Variants in LRRC7 observed in about 807,000 individuals in gnomAD.
LRRC7 encodes the protein leucine rich repeat containing 7.
A neutral mutation model predicts 175.7 loss-of-function variants in LRRC7; 23 were observed. The observed-to-expected ratio is 0.13, with a 90% confidence interval of 0.09 to 0.19. The LOEUF (loss-of-function observed/expected upper bound fraction) is 0.19. Ranked by LOEUF, LRRC7 falls within the 10% of genes least tolerant of loss-of-function variation. The pLI, the probability that LRRC7 is intolerant of heterozygous loss-of-function variation, is 1.00. For missense variants in LRRC7, 1,354 were observed against 1,904.7 expected, an observed-to-expected ratio of 0.71 and a Z score of 5.38; for synonymous variants, 685 against 680.9, an observed-to-expected ratio of 1.01 and a Z score of -0.09.
At chr1:69,680,265 G>C (rs1034011208) in intron 2 of LRRC7, among the ~76,000 whole-genome samples, 2 of 152,098 alleles carry the variant, frequency 1.3e-5, no homozygotes, top group South Asian at 2.1e-4. Flanking sequence ...GCTCAAGCTT[G>C]AAAACTACTA....
At chr1:70,004,375 T>A (rs1655810543) in intron 11 of LRRC7, among the ~76,000 whole-genome samples, 1 of 152,168 alleles carries the variant, frequency 6.6e-6, no homozygotes, top group Non-Finnish European at 1.5e-5. Flanking sequence ...AAAACTTGAT[T>A]CCTAGCCTAA....
At chr1:69,813,180 C>T (rs1004267826) in intron 4 of LRRC7, among the ~76,000 whole-genome samples, 2 of 152,072 alleles carry the variant, frequency 1.3e-5, no homozygotes, top group Non-Finnish European at 2.9e-5. Context: ...TTATATGGTT[C>T]AAATTCTATA....
chr1:69,821,323 T>G (rs1273682863), intron 4 of LRRC7, among the ~76,000 whole-genome samples: 4 of 152,158 alleles, frequency 2.6e-5, no homozygotes, highest in Non-Finnish European at 4.4e-5. Flanking sequence ...ATGGGCTGTT[T>G]CCGATTTAGC....
At chr1:69,699,017 T>G (rs1662986566) in intron 2 of LRRC7, among the ~76,000 whole-genome samples, 1 of 152,258 alleles carries the variant, frequency 6.6e-6, no homozygotes, top group African/African-American at 2.4e-5. Context: ...TCAGAGCTCC[T>G]TGAGATTTAT....
chr1:69,661,942 AT>A (rs1657533610), intron 1 of LRRC7, among the ~76,000 whole-genome samples: 1 of 152,132 alleles, frequency 6.6e-6, no homozygotes, highest in Non-Finnish European at 1.5e-5. Context: ...AACAGCTACC[AT>A]ATATGGTAGT....
At chr1:70,026,038 A>T (rs1658065045) in intron 17 of LRRC7, among the ~76,000 whole-genome samples, 1 of 152,126 alleles carries the variant, frequency 6.6e-6, no homozygotes, top group Admixed American at 6.6e-5. Flanking sequence ...TTATAAAATA[A>T]CCAGAAAATA....
chr1:69,935,081 G>A (rs1206780507), intron 8 of LRRC7, among the ~76,000 whole-genome samples: 3 of 152,114 alleles, frequency 2.0e-5, no homozygotes, highest in South Asian at 2.1e-4. Context: ...TTTAGAGTTC[G>A]GGAATTCAAA....
intron 2 of LRRC7, chr1:69,716,243 G>A (rs938033930): frequency 1.3e-5 from 6 of 462,724 alleles, no homozygotes; most frequent in African/African-American, 1.2e-4. Flanking sequence ...ATTTTACTAT[G>A]CTTAAGTATA....
intron 8 of LRRC7, among the ~76,000 whole-genome samples, chr1:69,944,248 TA>T (rs2101805851): frequency 1.3e-5 from 2 of 152,218 alleles, no homozygotes; most frequent in Non-Finnish European, 2.9e-5. Context: ...GTGACTGGCT[TA>T]TTTCACTTAC....
At chr1:69,639,183 G>A (rs1314528796) in intron 1 of LRRC7, among the ~76,000 whole-genome samples, 1 of 151,692 alleles carries the variant, frequency 6.6e-6, no homozygotes, top group African/African-American at 2.4e-5. Context: ...TAAATTATAG[G>A]TAGTAACCAA....
At chr1:69,857,205 A>G (rs1045386660) in intron 7 of LRRC7, among the ~76,000 whole-genome samples, 5 of 152,330 alleles carry the variant, frequency 3.3e-5, no homozygotes, top group African/African-American at 1.2e-4. Context: ...AACTGGCACA[A>G]GACAGGGATC....
chr1:70,111,617 A>G (rs1180747257), intron 26 of LRRC7, among the ~76,000 whole-genome samples: 1 of 152,196 alleles, frequency 6.6e-6, no homozygotes, highest in African/African-American at 2.4e-5. Flanking sequence ...CTAATTCATT[A>G]TACATTTTAT....
rs891614108 is a variant in LRRC7 at position 70,134,951 on chromosome 1, T to G, written c.*13064T>G. On this transcript the variant is annotated 3_prime_UTR_variant, in exon 27 of 27. Transcript: ENST00000651989. Reference sequence around the variant, plus strand: ...GCCTGATGTTCTATTTCATCTTTTTTATTCCTTCTATTTTCCATAACCTTT... The same window carrying G: ...GCCTGATGTTCTATTTCATCTTTTTGATTCCTTCTATTTTCCATAACCTTT... 3.3e-5 allele frequency among the ~76,000 whole-genome samples: 5 copies of G among 152,248 alleles called. No individual in the cohort carries two copies. The highest frequency in any genetic ancestry group is 9.6e-5 in the African/African-American group (4 of 41,468).
rs148571935 is a variant in LRRC7, at chr1:69,612,933, T to C, written c.2+44292T>C. 6.8e-4 allele frequency among the ~76,000 whole-genome samples: 104 copies of C among 152,208 alleles called. 2 individuals are homozygous for C. The East Asian group carries it at 0.018, about 26-fold the overall frequency. On this transcript the variant is annotated intron_variant, in intron 1 of 26. Transcript: ENST00000651989. ...CAAGGCTCATCCTTCTACTCCCCCA[T>C]TACAAGCTCTCGACACACTAAACAA...
At chr1:69,776,673 C>A (rs1028044187) in intron 3 of LRRC7, among the ~76,000 whole-genome samples, 1 of 151,894 alleles carries the variant, frequency 6.6e-6, no homozygotes, top group African/African-American at 2.4e-5. Flanking sequence ...AATAATGCAA[C>A]CTCACTAACT....
At position 69,764,730 on chromosome 1, in the gene LRRC7, C is replaced by CAGATAGATAGATAGATAGAT. The variant is rs112836690; in HGVS notation, c.303+4369_303+4388dup. On this transcript the variant is annotated intron_variant, in intron 3 of 26. Coordinates refer to ENST00000651989, the MANE Select transcript of LRRC7 (RefSeq NM_001370785.2). ...ATAGATAGGTAGGTAGATAGATAGA[C>CAGATAGATAGATAGATAGAT]AGATAGATAGATAGATAGATAGATA... Among the ~76,000 whole-genome samples the CAGATAGATAGATAGATAGAT allele has an allele frequency of 7.1e-5, 10 of 140,298 alleles. 1 individual carries two copies. The highest frequency in any genetic ancestry group is 2.4e-4 in the South Asian group (1 of 4,176). The allele number at this position is 140,298 out of a possible 152,430, so 92.0% of individuals were successfully genotyped here.
At chr1:69,812,454 A>C (rs1678006925) in intron 4 of LRRC7, among the ~76,000 whole-genome samples, 1 of 152,078 alleles carries the variant, frequency 6.6e-6, no homozygotes, top group South Asian at 2.1e-4. Flanking sequence ...CTCTTTCTCT[A>C]AGAATAGAAA....
intron 8 of LRRC7, among the ~76,000 whole-genome samples, chr1:69,977,567 T>C (rs1443113999): frequency 6.6e-6 from 1 of 152,206 alleles, no homozygotes; most frequent in African/African-American, 2.4e-5. Flanking sequence ...GACAATACTA[T>C]TTACCAAATA....
chr1:70,044,795 T>C (rs1660200817), intron 22 of LRRC7, among the ~76,000 whole-genome samples: 1 of 152,152 alleles, frequency 6.6e-6, no homozygotes, highest in African/African-American at 2.4e-5. Flanking sequence ...GAATGCACAT[T>C]TTACATTTAG....
Sources: gnomAD v4.1 joint callset for allele counts (sites outside exome capture counted in the v4.1 genomes callset) on GRCh38, gnomAD v4.1.1 for gene constraint, MANE v1.5 for transcripts, NCBI Gene and HGNC (gene_info 2026-07-23, HGNC 2026-07-21) for gene names.